The following GPHN variants were observed in gnomAD, a reference collection of about 807,000 sequenced individuals.
The protein encoded by GPHN is gephyrin.
In GPHN, 17 loss-of-function variants were observed where a neutral mutation model predicts 95.5. That is an observed-to-expected ratio of 0.18 (90% CI 0.12 to 0.27). The LOEUF (loss-of-function observed/expected upper bound fraction) is 0.27. Ranked by LOEUF, GPHN falls within the 10% of genes least tolerant of loss-of-function variation. The pLI is 1.00. For synonymous variants in GPHN, 320 were observed against 322.5 expected, an observed-to-expected ratio of 0.99 and a Z score of 0.08; for missense variants, 660 against 978.1, an observed-to-expected ratio of 0.67 and a Z score of 4.34.
chr14:66,584,868 G>T (rs1230153379), intron 1 of GPHN, among the ~76,000 whole-genome samples: 1 of 152,080 alleles, frequency 6.6e-6, no homozygotes, highest in Non-Finnish European at 1.5e-5. Context: ...TTGTGTCTCT[G>T]CCCGGCTTTG....
chr14:67,569,761 G>A, the GPHN span: 1 of 628,714 alleles, frequency 1.6e-6, no homozygotes, highest in East Asian at 2.7e-5. Flanking sequence ...GTCCCCAAAG[G>A]GAGTCAAGGG....
At chr14:67,446,542 C>T in the GPHN span, among the ~76,000 whole-genome samples, 1 of 152,192 alleles carries the variant, frequency 6.6e-6, no homozygotes, top group Non-Finnish European at 1.5e-5. Context: ...GGTGTCCTGC[C>T]AAGCACGCCA....
chr14:66,899,435 C>A (rs2065023425), intron 5 of GPHN, among the ~76,000 whole-genome samples: 1 of 151,806 alleles, frequency 6.6e-6, no homozygotes, highest in Admixed American at 6.6e-5. Context: ...AGAAGTCCAT[C>A]CCTTAATTTC....
chr14:66,931,791 C>G (rs1469268234), intron 8 of GPHN, among the ~76,000 whole-genome samples: 2 of 152,178 alleles, frequency 1.3e-5, no homozygotes, highest in Non-Finnish European at 2.9e-5. Flanking sequence ...TTTTGTTGAG[C>G]TTCCTCAAAA....
chr14:66,528,653 G>T (rs543188935), intron 1 of GPHN, among the ~76,000 whole-genome samples: 3 of 152,288 alleles, frequency 2.0e-5, no homozygotes, highest in Admixed American at 2.0e-4. Flanking sequence ...TGTAAGGCAG[G>T]CCTCGTGGTG....
intron 2 of GPHN, among the ~76,000 whole-genome samples, chr14:66,686,370 ATC>A (rs1489832948): frequency 1.3e-5 from 2 of 152,294 alleles, no homozygotes; most frequent in African/African-American, 4.8e-5. Flanking sequence ...GATTCTTCCT[ATC>A]CATGAGCATG....
chr14:67,718,433 A>G, the GPHN span, among the ~76,000 whole-genome samples: 2 of 152,218 alleles, frequency 1.3e-5, no homozygotes, highest in African/African-American at 2.4e-5. Flanking sequence ...GAGCTGCTAG[A>G]TGATTTATGA....
chr14:66,894,420 C>A (rs2064710223), intron 5 of GPHN, among the ~76,000 whole-genome samples: 1 of 152,154 alleles, frequency 6.6e-6, no homozygotes, highest in African/African-American at 2.4e-5. Flanking sequence ...TAGAAGAAAA[C>A]CTAGGCAATA....
intron 8 of GPHN, among the ~76,000 whole-genome samples, chr14:66,953,382 A>G (rs1466096575): frequency 6.6e-6 from 1 of 152,044 alleles, no homozygotes; most frequent in African/African-American, 2.4e-5. Context: ...TTGGTGTCAT[A>G]TCTAAAAATC....
intron 10 of GPHN, among the ~76,000 whole-genome samples, chr14:67,041,864 A>G (rs1013489635): frequency 1.3e-4 from 20 of 151,852 alleles, no homozygotes; most frequent in Non-Finnish European, 2.9e-4. Context: ...TTCTTCCACA[A>G]CCTCTCCAGC....
intron 8 of GPHN, 117 bp downstream of exon 8, chr14:66,924,409 C>T: frequency 1.4e-6 from 1 of 714,554 alleles, no homozygotes. Flanking sequence ...GATTTTCAGC[C>T]TTGCTTTCTT....
chr14:66,901,251 A>G (rs1015772965), intron 5 of GPHN, among the ~76,000 whole-genome samples: 12 of 151,868 alleles, frequency 7.9e-5, no homozygotes, highest in African/African-American at 2.9e-4. Flanking sequence ...CTGTCAAGCT[A>G]TCTGAGCTCC....
intron 11 of GPHN, among the ~76,000 whole-genome samples, chr14:67,086,627 G>A (rs2076899734): frequency 6.7e-6 from 1 of 150,330 alleles, no homozygotes; most frequent in African/African-American, 2.5e-5. Context: ...ACTCCAGCCT[G>A]GGCGACAGCG....
At chr14:66,714,138 A>G (rs963080258) in intron 2 of GPHN, among the ~76,000 whole-genome samples, 1 of 152,134 alleles carries the variant, frequency 6.6e-6, no homozygotes, top group Non-Finnish European at 1.5e-5. Context: ...TCATAAAGGG[A>G]TGCTGGATTG....
chr14:67,512,532 A>G, the GPHN span, among the ~76,000 whole-genome samples: 1 of 152,164 alleles, frequency 6.6e-6, no homozygotes, highest in South Asian at 2.1e-4. Context: ...GGAGGTAGGG[A>G]GATGGGGGAG....
chr14:67,159,059 A>G (rs536181606), intron 18 of GPHN, among the ~76,000 whole-genome samples: 1 of 152,362 alleles, frequency 6.6e-6, no homozygotes, highest in East Asian at 1.9e-4. Context: ...AAGAGAAACA[A>G]TAACGCACCA....
the GPHN span, among the ~76,000 whole-genome samples, chr14:67,423,626 G>A: frequency 5.9e-5 from 9 of 152,270 alleles, no homozygotes; most frequent in East Asian, 1.9e-4. Flanking sequence ...AGAGGGTTGC[G>A]GCAAACCTTG....
chr14:67,519,550 C>G, the GPHN span, among the ~76,000 whole-genome samples: 5 of 152,094 alleles, frequency 3.3e-5, no homozygotes, highest in Non-Finnish European at 4.4e-5. Flanking sequence ...GGTGTAAGCC[C>G]TACTAGGTAC....
At chr14:66,629,088 T>TATATATAAATATATATTTATATAC (rs1175337480) in intron 1 of GPHN, among the ~76,000 whole-genome samples, 3 of 138,272 alleles carry the variant, frequency 2.2e-5, no homozygotes, top group African/African-American at 5.4e-5. Context: ...TACATATATA[T>TATATATAAATATATATTTATATAC]ATATATAAAT....
Sources: allele counts gnomAD v4.1 joint callset (sites outside exome capture counted in the v4.1 genomes callset), GRCh38; gene constraint gnomAD v4.1.1; transcripts MANE v1.5; gene names NCBI Gene and HGNC (gene_info 2026-07-23, HGNC 2026-07-21).